Variants in EVC2 observed in about 807,000 individuals in gnomAD.
The protein encoded by EVC2 is limbin.
In EVC2, 148 loss-of-function variants were observed where a neutral mutation model predicts 149.3. The observed-to-expected ratio is 0.99, with a 90% CI of 0.87 to 1.14. EVC2 has a LOEUF of 1.14. Ranked by LOEUF, EVC2 falls within the 50% of genes most tolerant of loss-of-function variation. The pLI, the probability that EVC2 is intolerant of heterozygous loss-of-function variation, is 0.00. For missense variants in EVC2, 1,854 were observed against 1,627.3 expected (o/e 1.14, Z -2.40); for synonymous variants, 776 against 649.9 (o/e 1.19, Z -2.95).
intron 9 of EVC2, among the ~76,000 whole-genome samples, chr4:5,641,307 T>G (rs1387799515): frequency 1.3e-5 from 2 of 152,240 alleles, no homozygotes; most frequent in East Asian, 3.8e-4. Flanking sequence ...AAGCATGGAC[T>G]TTGATAACAA....
At chr4:5,674,936 G>A (rs16837553) in intron 7 of EVC2, among the ~76,000 whole-genome samples, 3,626 of 152,228 alleles carry the variant, frequency 0.024, 135 homozygotes, top group African/African-American at 0.083. Context: ...GAATGTCCAC[G>A]GAGAAGGCAA....
At chr4:5,532,880 G>C in the EVC2 span, among the ~76,000 whole-genome samples, 1 of 151,852 alleles carries the variant, frequency 6.6e-6, no homozygotes. Flanking sequence ...CTGGCGGGCA[G>C]TGTGCTGGAC....
At chr4:5,593,195 T>C (rs934295127) in intron 16 of EVC2, among the ~76,000 whole-genome samples, 2 of 152,134 alleles carry the variant, frequency 1.3e-5, no homozygotes, top group East Asian at 1.9e-4. Context: ...TATGTCCTTA[T>C]AGTAGTGTGA....
intron 2 of EVC2, 111 bp from the exon 3 acceptor site, chr4:5,694,612 T>G: frequency 8.0e-7 from 1 of 1,251,378 alleles, no homozygotes; most frequent in Admixed American, 1.8e-5. Context: ...AGAAGACGTT[T>G]GTTGGGTAAG....
At chr4:5,684,501 A>G (rs936704099) in intron 6 of EVC2, among the ~76,000 whole-genome samples, 1 of 152,178 alleles carries the variant, frequency 6.6e-6, no homozygotes, top group Admixed American at 6.5e-5. Context: ...CTGAAGACAC[A>G]ATAAAATGAC....
At chr4:5,533,398 C>T in the EVC2 span, among the ~76,000 whole-genome samples, 1 of 152,136 alleles carries the variant, frequency 6.6e-6, no homozygotes, top group Admixed American at 6.5e-5. Flanking sequence ...GTGGCTGGAG[C>T]AGAGCCAGTG....
chr4:5,557,792 A>G (rs1464372964), downstream of EVC2, among the ~76,000 whole-genome samples: 1 of 152,174 alleles, frequency 6.6e-6, no homozygotes, highest in Non-Finnish European at 1.5e-5. Flanking sequence ...GGAATTCGAA[A>G]TGTTAAAAAT....
At chr4:5,571,805 A>C in intron 19 of EVC2, among the ~76,000 whole-genome samples, 1 of 152,134 alleles carries the variant, frequency 6.6e-6, no homozygotes, top group Middle Eastern at 3.2e-3. Flanking sequence ...GTGTTTTGGG[A>C]TGAGATTAAC....
At chr4:5,644,566 G>A (rs1195911382) in intron 9 of EVC2, among the ~76,000 whole-genome samples, 1 of 152,158 alleles carries the variant, frequency 6.6e-6, no homozygotes, top group East Asian at 1.9e-4. Flanking sequence ...GCCTCTCAAA[G>A]TGCTGGGATT....
intron 9 of EVC2, among the ~76,000 whole-genome samples, chr4:5,641,049 T>C (rs936233928): frequency 2.6e-5 from 4 of 152,116 alleles, no homozygotes; most frequent in African/African-American, 9.7e-5. Context: ...CCATGTGATG[T>C]ACAAAAAAGA....
downstream of EVC2, among the ~76,000 whole-genome samples, chr4:5,560,167 C>T (rs1239427638): frequency 1.3e-5 from 2 of 151,822 alleles, no homozygotes; most frequent in Non-Finnish European, 2.9e-5. The surrounding 1 kb of genome is among the most constrained non-coding windows in gnomAD (Gnocchi z 4.1). Flanking sequence ...CAAACTTGAG[C>T]TCAAGTCCTC....
At chr4:5,676,890 G>T (rs781384360) in intron 7 of EVC2, among the ~76,000 whole-genome samples, 4 of 151,988 alleles carry the variant, frequency 2.6e-5, no homozygotes, top group Non-Finnish European at 5.9e-5. Flanking sequence ...TGGGGATGGT[G>T]GGTGACAGGC....
In EVC2 at chr4:5,562,501, C is replaced by T; in HGVS notation, c.*347G>A. 1.8e-6 allele frequency: 2 copies of T among 1,119,040 alleles called. No individual in the cohort carries two copies. The highest frequency in any genetic ancestry group is 1.6e-5 in the African/African-American group (1 of 62,034). 69.3% of individuals were successfully genotyped at this position (1,119,040 alleles called of 1,614,324 possible). ...ATAAAAATAGAATATGTAACAAATA[C>T]AAAACATAAGAGTAGAGAATCTGGC... is the stretch of plus-strand genomic sequence containing the variant. On this transcript the variant is annotated 3_prime_UTR_variant, in exon 22 of 22. Coordinates refer to ENST00000344408, the MANE Select transcript of EVC2 (RefSeq NM_147127.5). The surrounding 1 kb of genome is among the most constrained non-coding windows in gnomAD (Gnocchi z 4.3).
chr4:5,529,023 T>C, the EVC2 span, among the ~76,000 whole-genome samples: 1 of 152,120 alleles, frequency 6.6e-6, no homozygotes, highest in South Asian at 2.1e-4. This position sits in a 1 kb window ranked among gnomAD's most constrained non-coding sequence, Gnocchi z 4.5. Flanking sequence ...CGTACAAGGA[T>C]ATATATATAG....
At chr4:5,663,429 G>T (rs530358810) in intron 8 of EVC2, among the ~76,000 whole-genome samples, 183 bp from the exon 9 acceptor site, 3 of 152,304 alleles carry the variant, frequency 2.0e-5, no homozygotes, top group South Asian at 2.1e-4. Flanking sequence ...TCTCTGCAAA[G>T]AAATGGGATC....
chr4:5,644,218 G>C (rs1406702975), intron 9 of EVC2, among the ~76,000 whole-genome samples: 2 of 152,106 alleles, frequency 1.3e-5, no homozygotes, highest in East Asian at 3.8e-4. Flanking sequence ...ACAGATCTAA[G>C]ATCTTCATTC....
At position 5,622,284 on chromosome 4, in the gene EVC2, G is replaced by A. The variant is rs1271790392; in HGVS notation, c.2501+253C>T. 6.6e-6 allele frequency among the ~76,000 whole-genome samples: 1 copy of A among 152,014 alleles called. No individual in the cohort carries two copies. Among genetic ancestry groups the A allele is most frequent in the Non-Finnish European group, 1.5e-5 (1 of 67,988 alleles). On this transcript the variant is annotated intron_variant, in intron 14 of 21. Coordinates refer to ENST00000344408, the MANE Select transcript of EVC2 (RefSeq NM_147127.5). This position sits in a 1 kb window ranked among gnomAD's most constrained non-coding sequence, Gnocchi z 5.8. ...AATCACATTTTCCCCTGGAAGCCAG[G>A]GGCCACCCATCCTCTTGTTACTACA...
downstream of EVC2, among the ~76,000 whole-genome samples, chr4:5,538,753 T>G (rs1056511084): frequency 3.9e-5 from 6 of 152,150 alleles, no homozygotes; most frequent in African/African-American, 1.2e-4. Context: ...GGAAAAAGCA[T>G]TTGACAAAAT....
intron 18 of EVC2, among the ~76,000 whole-genome samples, chr4:5,575,513 T>C (rs767858539): frequency 1.1e-3 from 162 of 152,174 alleles, no homozygotes; most frequent in Non-Finnish European, 1.1e-3. Context: ...TGAATGAAAA[T>C]CATCTGTAAT....
Sources: allele counts gnomAD v4.1 joint callset (sites outside exome capture counted in the v4.1 genomes callset), GRCh38; gene constraint gnomAD v4.1.1; non-coding constraint Gnocchi (gnomAD v3.1); transcripts MANE v1.5; gene names NCBI Gene and HGNC (gene_info 2026-07-23, HGNC 2026-07-21).